Variants in NRK observed in about 807,000 individuals in gnomAD.
The protein encoded by NRK is nik-related protein kinase.
NRK carries 67 observed loss-of-function variants against 125.2 expected under a neutral mutation model. The ratio of observed to expected loss-of-function variants is 0.54; its 90% CI spans 0.44 to 0.66. The LOEUF is 0.66. Among genes scored for constraint, NRK ranks in the 30% least tolerant of loss-of-function variants. NRK has a pLI of 0.00. For missense variants in NRK, 1,224 were observed against 1,192.9 expected, an observed-to-expected ratio of 1.03 and a Z score of -0.38; for synonymous variants, 458 against 429.0, an observed-to-expected ratio of 1.07 and a Z score of -0.84.
intron 19 of NRK, among the ~76,000 whole-genome samples, chrX:105,926,541 T>C (rs936902845): frequency 9.0e-6 from 1 of 111,722 alleles, no homozygotes; most frequent in African/African-American, 3.2e-5. Context: ...TTGCTTTTGT[T>C]GCCTGTGCTT....
intron 2 of NRK, among the ~76,000 whole-genome samples, chrX:105,870,382 A>G (rs893703148): frequency 3.6e-5 from 4 of 111,592 alleles, no homozygotes; most frequent in African/African-American, 1.3e-4. Flanking sequence ...TTAAATTTGA[A>G]TTAGTGACCA....
At position 105,923,248 on chromosome X, in the gene NRK, C is replaced by A; in HGVS notation, c.2741C>A (p.Pro914His). Residue 914 changes from proline (P) to histidine (H), a missense_variant, in exon 18 of 29, where the codon CCT (proline) becomes CAT (histidine). Pro to His is a moderately conservative substitution (Grantham distance 77). Coordinates refer to ENST00000243300, the MANE Select transcript of NRK (RefSeq NM_198465.4). ...WLTPAPVIQPPEEDGDYVELY... is the reference protein window; with the variant it reads ...WLTPAPVIQPHEEDGDYVELY... Reference sequence around the variant, plus strand: ...ACTCCGGCACCTGTCATTCAGCCACCTGAAGAGGATGGTGATTATGTTGAA... The same window carrying A: ...ACTCCGGCACCTGTCATTCAGCCACATGAAGAGGATGGTGATTATGTTGAA... The A allele has an allele frequency of 8.3e-7, 1 of 1,208,910 alleles. No individual in the cohort carries two copies.
At chrX:105,907,759 G>A (rs767273835) in intron 11 of NRK, 1 of 112,170 alleles carries the variant, frequency 8.9e-6, no homozygotes, top group African/African-American at 3.2e-5. Context: ...TATTTCAGTA[G>A]TCACAGTACA....
Position 105,895,441 on chromosome X carries a change from TC to T in NRK, c.499del (p.His167ThrfsTer7). 8.4e-7 allele frequency: 1 copy of T among 1,195,335 alleles called. No homozygotes were observed. Among genetic ancestry groups the T allele is most frequent in the Non-Finnish European group, 1.1e-6 (1 of 880,692 alleles). ...TTAAAAAATATATACAGGGCTTAGC[TC>T]ACCTTCACGCACACCGAGTAATTCA... ...ICREILQGLAHLHAHRVIHRD... is the reference protein window; with the variant it reads ...ICREILQGLAXLHAHRVIHRD... On this transcript the variant is annotated frameshift_variant, in exon 7 of 29. Transcript: ENST00000243300. LOFTEE classifies it high-confidence loss of function.
intron 2 of NRK, among the ~76,000 whole-genome samples, chrX:105,859,404 C>T (rs1312988854): frequency 9.0e-6 from 1 of 111,628 alleles, no homozygotes; most frequent in Admixed American, 9.6e-5. Context: ...TTGTTTTCAT[C>T]CTGCAAGGAG....
At position 105,937,437 on chromosome X, in the gene NRK, A is replaced by G; in HGVS notation, c.3656-2A>G. 1.7e-6 allele frequency: 2 copies of G among 1,168,284 alleles called. No individual in the cohort carries two copies. Among genetic ancestry groups the G allele is most frequent in the Admixed American group, 2.3e-5 (1 of 43,604 alleles). ...AATATAGCACTTTTTATATATGAAC[A>G]GGAGTCAATTTGCTGTTGGGAACCC... On this transcript the variant is annotated splice_acceptor_variant, in intron 21 of 28. Coordinates refer to ENST00000243300, the MANE Select transcript of NRK (RefSeq NM_198465.4). LOFTEE classifies it high-confidence loss of function.
At chrX:105,822,251 G>T (rs2147623528), upstream of NRK, among the ~76,000 whole-genome samples, 1 of 105,568 alleles carries the variant, frequency 9.5e-6, no homozygotes, top group Non-Finnish European at 1.9e-5. Flanking sequence ...CCTGGAAAAA[G>T]TTTCCTGTGG....
Position 105,934,360 on chromosome X carries a change from A to G in NRK, c.3415A>G (p.Thr1139Ala), listed in dbSNP as rs1249734469. 1.7e-6 allele frequency: 2 copies of G among 1,200,945 alleles called. No homozygotes were observed. Among genetic ancestry groups the G allele is most frequent in the East Asian group, 3.0e-5 (1 of 33,683 alleles). ...CAATAAGGACATATCAGAATCATCA[A>G]CACAATCAGATTTTTCTGCCAATCA... ...SDNKDISESS[T>A]QSDFSANHSS... Residue 1139 changes from threonine to alanine, a missense_variant, in exon 20 of 29, where the codon ACA becomes GCA. Thr to Ala is a moderately conservative substitution (Grantham distance 58). Transcript: ENST00000243300.
intron 2 of NRK, among the ~76,000 whole-genome samples, chrX:105,842,060 C>T (rs2039337136): frequency 9.0e-6 from 1 of 111,175 alleles, no homozygotes; most frequent in East Asian, 2.8e-4. Flanking sequence ...ATATTCAGCT[C>T]AACAGATATA....
intron 1 of NRK, among the ~76,000 whole-genome samples, chrX:105,829,016 A>G (rs769445875): frequency 1.8e-5 from 2 of 112,081 alleles, no homozygotes; most frequent in African/African-American, 6.5e-5. Context: ...TTCAGTGGAA[A>G]CATCTAGATT....
chrX:105,921,496 A>T (rs897203728), intron 16 of NRK, among the ~76,000 whole-genome samples: 1 of 108,994 alleles, frequency 9.2e-6, no homozygotes, highest in Non-Finnish European at 1.9e-5. Context: ...AAAAAAAAAG[A>T]TTGAAGAATG....
intron 26 of NRK, among the ~76,000 whole-genome samples, chrX:105,949,070 G>A (rs2040857241): frequency 3.6e-5 from 4 of 111,587 alleles, no homozygotes; most frequent in Admixed American, 2.9e-4. Flanking sequence ...TTCAAGCTGT[G>A]AAGACTATTA....
chrX:105,923,714 TAACTGGAATTGTCTAGATGCTTATGTTAA>T (rs2147769384), intron 18 of NRK, among the ~76,000 whole-genome samples: 1 of 107,822 alleles, frequency 9.3e-6, no homozygotes, highest in South Asian at 4.0e-4. Context: ...AGTTTCTTTA[TAACTGGAATTGTCTAGATGCTTATGTTAA>T]AATTACTGCC....
chrX:105,938,668 C>T (rs184063805), intron 22 of NRK, among the ~76,000 whole-genome samples: 5,766 of 111,546 alleles, frequency 0.052, 387 homozygotes, highest in African/African-American at 0.18. Context: ...TTCCATCAAA[C>T]AGTACTGAGA....
At position 105,894,166 on chromosome X, in the gene NRK, C is replaced by A. The variant is rs2040051377; in HGVS notation, c.489+224C>A. 2.7e-5 allele frequency among the ~76,000 whole-genome samples: 3 copies of A among 111,796 alleles called. No individual in the cohort carries two copies. In the Admixed American group the frequency reaches 2.9e-4, roughly 11 times the overall value. ...TCCTTTGAAATCATGGCCTTTAATA[C>A]CTCTGTCGGATTAAGACTACTGTGT... On this transcript the variant is annotated intron_variant, in intron 6 of 28. Coordinates refer to ENST00000243300, the MANE Select transcript of NRK (RefSeq NM_198465.4).
Position 105,955,584 on chromosome X carries a change from G to T in NRK, c.4733G>T (p.Ser1578Ile). ...CTTGGAAAACTTGAAGAGCTCCAAA[G>T]CAATTATGATGTCTAAAAGTTTCCA... ...MTLGKLEELQ[S>I]NYDV The change falls in exon 29 of 29, where the codon AGC becomes ATC. Residue 1578 changes from serine (S) to isoleucine (I), a missense_variant. By Grantham distance (142) the Ser-to-Ile change is moderately radical. Coordinates refer to ENST00000243300, the MANE Select transcript of NRK (RefSeq NM_198465.4). 2 of 1,148,076 alleles carry T rather than the reference G, an allele frequency of 1.7e-6. No individual in the cohort carries two copies. Among genetic ancestry groups the T allele is most frequent in the East Asian group, 3.0e-5 (1 of 32,976 alleles). 94.6% of individuals were successfully genotyped at this position (1,148,076 alleles called of 1,213,427 possible). A position where few individuals can be genotyped will look rare whatever the true frequency, so the allele number is the denominator to read the frequency against.
chrX:105,926,607 A>T (rs1051835128), intron 19 of NRK, among the ~76,000 whole-genome samples: 1 of 110,789 alleles, frequency 9.0e-6, no homozygotes, highest in Admixed American at 9.6e-5. Context: ...TATATTTTCT[A>T]GTAGTTTTAT....
At chrX:105,860,941 A>G (rs1032901562) in intron 2 of NRK, among the ~76,000 whole-genome samples, 1 of 110,949 alleles carries the variant, frequency 9.0e-6, no homozygotes, top group East Asian at 2.9e-4. Context: ...ATGACCATTC[A>G]TATACAAGTT....
At chrX:105,950,078 CA>C (rs1442478891) in intron 27 of NRK, among the ~76,000 whole-genome samples, 2 of 112,058 alleles carry the variant, frequency 1.8e-5, no homozygotes, top group Non-Finnish European at 3.8e-5. Flanking sequence ...TTCTTTTCAT[CA>C]CACTGATTGT....
Sources: allele counts gnomAD v4.1 joint callset (sites outside exome capture counted in the v4.1 genomes callset), GRCh38; gene constraint gnomAD v4.1.1; transcripts MANE v1.5; gene names NCBI Gene and HGNC (gene_info 2026-07-23, HGNC 2026-07-21).